The following DRC11 variants were observed in gnomAD, a reference collection of about 807,000 sequenced individuals.
DRC11 encodes the protein dynein regulatory complex subunit 11, also known as IQ and AAA domain-containing protein 1.
chr2:236,398,154 G>A, the DRC11 span, among the ~76,000 whole-genome samples: 1 of 152,132 alleles, frequency 6.6e-6, no homozygotes, highest in Non-Finnish European at 1.5e-5. The surrounding 1 kb of genome is among the most constrained non-coding windows in gnomAD (Gnocchi z 6.2). Flanking sequence ...GCACGTCTTA[G>A]GTACTTAATA....
the DRC11 span, among the ~76,000 whole-genome samples, chr2:236,327,616 C>T: frequency 1.3e-5 from 2 of 152,136 alleles, no homozygotes; most frequent in South Asian, 2.1e-4. Context: ...TTTCTTTGCT[C>T]CCTTTTTCAG....
chr2:236,411,774 T>A, the DRC11 span, among the ~76,000 whole-genome samples: 1 of 148,330 alleles, frequency 6.7e-6, no homozygotes, highest in African/African-American at 2.5e-5. Flanking sequence ...GAAATCATCA[T>A]TCTCAGTAAA....
chr2:236,497,549 C>T, the DRC11 span: 3 of 1,235,450 alleles, frequency 2.4e-6, no homozygotes, highest in African/African-American at 3.0e-5. This position sits in a 1 kb window ranked among gnomAD's most constrained non-coding sequence, Gnocchi z 5.1. Flanking sequence ...AAAACATAAA[C>T]ATCGGGCCTC....
At chr2:236,399,076 G>A in the DRC11 span, among the ~76,000 whole-genome samples, 4,093 of 151,624 alleles carry the variant, frequency 0.027, 174 homozygotes, top group African/African-American at 0.09. This position sits in a 1 kb window ranked among gnomAD's most constrained non-coding sequence, Gnocchi z 7.0. Context: ...TGCAAGCTCC[G>A]CCTCCTGGGT....
chr2:236,351,074 A>G, the DRC11 span, among the ~76,000 whole-genome samples: 1 of 152,204 alleles, frequency 6.6e-6, no homozygotes, highest in African/African-American at 2.4e-5. The surrounding 1 kb of genome is among the most constrained non-coding windows in gnomAD (Gnocchi z 7.3). Context: ...AGGTTTTGCT[A>G]TGTTTGGCCC....
chr2:236,412,576 C>T, the DRC11 span: 2 of 152,200 alleles, frequency 1.3e-5, no homozygotes, highest in Non-Finnish European at 2.9e-5. Context: ...GCCAGCCGGT[C>T]CATCTGTTCT....
chr2:236,429,892 G>A, the DRC11 span, among the ~76,000 whole-genome samples: 6 of 152,240 alleles, frequency 3.9e-5, no homozygotes, highest in African/African-American at 1.4e-4. This position sits in a 1 kb window ranked among gnomAD's most constrained non-coding sequence, Gnocchi z 5.9. Context: ...GCAGGCAGTT[G>A]GTTTCCTCAG....
chr2:236,393,560 G>A, the DRC11 span, among the ~76,000 whole-genome samples: 1 of 152,180 alleles, frequency 6.6e-6, no homozygotes, highest in Non-Finnish European at 1.5e-5. This position sits in a 1 kb window ranked among gnomAD's most constrained non-coding sequence, Gnocchi z 4.7. Context: ...GCATAGAGAC[G>A]TTTCCCCAGA....
chr2:236,493,805 T>C, the DRC11 span: 3 of 1,607,834 alleles, frequency 1.9e-6, no homozygotes, highest in African/African-American at 1.3e-5. Flanking sequence ...CGCTAATATT[T>C]GAGCAAGAAT....
At chr2:236,369,784 C>T in the DRC11 span, among the ~76,000 whole-genome samples, 1 of 152,226 alleles carries the variant, frequency 6.6e-6, no homozygotes, top group African/African-American at 2.4e-5. This position sits in a 1 kb window ranked among gnomAD's most constrained non-coding sequence, Gnocchi z 4.5. Context: ...GAAGCCATGC[C>T]CCTTCCCATC....
the DRC11 span, among the ~76,000 whole-genome samples, chr2:236,492,711 A>G: frequency 6.6e-6 from 1 of 152,188 alleles, no homozygotes; most frequent in South Asian, 2.1e-4. Flanking sequence ...ATCCTGCCAG[A>G]AGGTAGATAG....
chr2:236,335,854 C>A, the DRC11 span, among the ~76,000 whole-genome samples: 1 of 152,268 alleles, frequency 6.6e-6, no homozygotes, highest in South Asian at 2.1e-4. This position sits in a 1 kb window ranked among gnomAD's most constrained non-coding sequence, Gnocchi z 5.6. Context: ...GTGTGGGCTG[C>A]GGCGAGACTG....
chr2:236,326,629 C>T, the DRC11 span, among the ~76,000 whole-genome samples: 4 of 152,032 alleles, frequency 2.6e-5, no homozygotes, highest in African/African-American at 9.7e-5. Context: ...ATAATTATCT[C>T]TTCTCATTTC....
chr2:236,368,507 T>C, the DRC11 span: 2 of 540,548 alleles, frequency 3.7e-6, no homozygotes, highest in Non-Finnish European at 6.6e-6. Flanking sequence ...AGCCCTGCTC[T>C]ACTAGCTAGA....
chr2:236,322,229 C>CTTT, the DRC11 span, among the ~76,000 whole-genome samples: 1,238 of 98,564 alleles, frequency 0.013, 6 homozygotes, highest in Non-Finnish European at 0.016. Context: ...TTTCTTTCCT[C>CTTT]TTTTTTTTTT....
the DRC11 span, among the ~76,000 whole-genome samples, chr2:236,495,492 G>C: frequency 6.6e-6 from 1 of 152,196 alleles, no homozygotes; most frequent in African/African-American, 2.4e-5. The surrounding 1 kb of genome is among the most constrained non-coding windows in gnomAD (Gnocchi z 5.6). Flanking sequence ...ATTCCCTATG[G>C]AGTGGAATCT....
At chr2:236,432,163 C>A in the DRC11 span, among the ~76,000 whole-genome samples, 1 of 152,048 alleles carries the variant, frequency 6.6e-6, no homozygotes, top group Non-Finnish European at 1.5e-5. Context: ...ATTTTCATTA[C>A]CCTAATGATG....
chr2:236,446,234 C>A, the DRC11 span, among the ~76,000 whole-genome samples: 1 of 152,130 alleles, frequency 6.6e-6, no homozygotes, highest in Admixed American at 6.6e-5. This position sits in a 1 kb window ranked among gnomAD's most constrained non-coding sequence, Gnocchi z 6.2. Flanking sequence ...AAGGAAGCTG[C>A]GAGGTGATGA....
chr2:236,317,606 T>A, the DRC11 span, among the ~76,000 whole-genome samples: 3 of 152,162 alleles, frequency 2.0e-5, no homozygotes, highest in African/African-American at 7.2e-5. The surrounding 1 kb of genome is among the most constrained non-coding windows in gnomAD (Gnocchi z 5.4). Context: ...GCTGGGAGCA[T>A]CTCCACTTTA....
Sources: gnomAD v4.1 joint callset for allele counts (sites outside exome capture counted in the v4.1 genomes callset) on GRCh38, gnomAD v4.1.1 for gene constraint, Gnocchi (gnomAD v3.1) non-coding constraint, MANE v1.5 for transcripts, NCBI Gene and HGNC (gene_info 2026-07-23, HGNC 2026-07-21) for gene names.